PDS5A: variants seen among roughly 807,000 people sequenced by gnomAD.
The protein encoded by PDS5A is PDS5 cohesin associated factor A, also known as sister chromatid cohesion protein PDS5 homolog A.
A neutral mutation model predicts 167.1 loss-of-function variants in PDS5A; 42 were observed. The ratio of observed to expected loss-of-function variants is 0.25; its 90% CI spans 0.20 to 0.33. The LOEUF is 0.33. PDS5A is among the 10% of genes least tolerant of loss of function. PDS5A has a pLI of 1.00. For missense variants in PDS5A, 1,033 were observed against 1,605.9 expected, an observed-to-expected ratio of 0.64 and a Z score of 6.10; for synonymous variants, 553 against 554.6, an observed-to-expected ratio of 1.00 and a Z score of 0.04.
intron 2 of PDS5A, among the ~76,000 whole-genome samples, chr4:39,971,462 T>A (rs1290319082): frequency 1.3e-5 from 2 of 151,312 alleles, no homozygotes; most frequent in Non-Finnish European, 2.9e-5. Context: ...GGCCTGCCTT[T>A]AAGGTCTTTT....
intron 28 of PDS5A, chr4:39,848,569 C>T (rs1163853731): frequency 1.2e-5 from 4 of 334,852 alleles, no homozygotes; most frequent in Non-Finnish European, 2.2e-5. Flanking sequence ...TGCAAAAATA[C>T]TACCCATGTT....
At chr4:39,888,010 G>C (rs1721630397) in intron 17 of PDS5A, among the ~76,000 whole-genome samples, 1 of 152,128 alleles carries the variant, frequency 6.6e-6, no homozygotes, top group Admixed American at 6.5e-5. Flanking sequence ...CCAGCACTTT[G>C]GGAGGCTGAG....
chr4:39,839,775 G>A (rs1375981999), intron 31 of PDS5A, among the ~76,000 whole-genome samples: 1 of 144,802 alleles, frequency 6.9e-6, no homozygotes, highest in African/African-American at 2.6e-5. Flanking sequence ...GGCAGGGGAG[G>A]AAATAATATC....
intron 23 of PDS5A, among the ~76,000 whole-genome samples, chr4:39,863,882 GCA>G (rs1160069189): frequency 6.6e-6 from 1 of 152,134 alleles, no homozygotes; most frequent in African/African-American, 2.4e-5. Flanking sequence ...TGTAATCCCA[GCA>G]CATTGGGAGG....
rs141377911 is a variant in PDS5A, at chr4:39,901,643, C to T, written c.1499+704G>A. Among the ~76,000 whole-genome samples the T allele has an allele frequency of 2.2e-3, 340 of 152,212 alleles. 2 individuals carry two copies. Among genetic ancestry groups the T allele is most frequent in the African/African-American group, 7.9e-3 (328 of 41,510 alleles). On this transcript the variant is annotated intron_variant, in intron 13 of 32. Coordinates refer to ENST00000303538, the MANE Select transcript of PDS5A (RefSeq NM_001100399.2). Reference sequence around the variant, plus strand: ...CAATGGCAAACAGTCAAATTCCTAACTCAAAATTCTCTCTCTTTTTTAAGA... The same window carrying T: ...CAATGGCAAACAGTCAAATTCCTAATTCAAAATTCTCTCTCTTTTTTAAGA...
At chr4:39,910,786 G>C (rs1414092456) in intron 9 of PDS5A, among the ~76,000 whole-genome samples, 1 of 152,168 alleles carries the variant, frequency 6.6e-6, no homozygotes, top group Non-Finnish European at 1.5e-5. Context: ...CTTGTGGCCA[G>C]GAGTTTAAGA....
At chr4:39,859,927 T>C (rs1184660937) in intron 26 of PDS5A, among the ~76,000 whole-genome samples, 1 of 152,190 alleles carries the variant, frequency 6.6e-6, no homozygotes, top group Non-Finnish European at 1.5e-5. Context: ...GAAGCTACTA[T>C]GGAAAACAGT....
At chr4:39,826,484 T>TATTTATTG (rs1484964625) in intron 32 of PDS5A, among the ~76,000 whole-genome samples, 1 of 150,824 alleles carries the variant, frequency 6.6e-6, no homozygotes, top group African/African-American at 2.4e-5. Flanking sequence ...TTTATTTATT[T>TATTTATTG]ATTTATTTAT....
At chr4:39,968,739 T>G (rs1052243356) in intron 2 of PDS5A, among the ~76,000 whole-genome samples, 17 of 151,604 alleles carry the variant, frequency 1.1e-4, no homozygotes, top group Non-Finnish European at 1.6e-4. Context: ...GCCTGTAATA[T>G]GAATTTTTTA....
At chr4:39,942,522 G>C (rs73129442) in intron 2 of PDS5A, among the ~76,000 whole-genome samples, 2,968 of 152,140 alleles carry the variant, frequency 0.02, 93 homozygotes, top group African/African-American at 0.067. Flanking sequence ...ATAATCACAG[G>C]TCACTACAGC....
intron 32 of PDS5A, among the ~76,000 whole-genome samples, chr4:39,828,875 C>T (rs1715557159): frequency 6.6e-6 from 1 of 152,066 alleles, no homozygotes. Flanking sequence ...AAAAATAAAG[C>T]AAGTGAAAGG....
chr4:39,876,911 C>T (rs1196848188), intron 19 of PDS5A, 82 bp downstream of exon 19: 6 of 1,058,132 alleles, frequency 5.7e-6, no homozygotes, highest in Non-Finnish European at 8.2e-6. Flanking sequence ...TCCTATCTTC[C>T]TACACAGAAG....
At position 39,913,594 on chromosome 4, in the gene PDS5A, A is replaced by C; in HGVS notation, c.992+17T>G. On this transcript the variant is annotated intron_variant, in intron 9 of 32. Transcript: ENST00000303538. Reference sequence around the variant, plus strand: ...TATTTTCTAAAATATAAACATCAGAATTATATGTTCTCTTACCGTCCAAGA... The same window carrying C: ...TATTTTCTAAAATATAAACATCAGACTTATATGTTCTCTTACCGTCCAAGA... 7.4e-7 allele frequency: 1 copy of C among 1,348,588 alleles called. No homozygotes were observed. Among genetic ancestry groups the C allele is most frequent in the Non-Finnish European group, 1.1e-6 (1 of 937,704 alleles). 83.5% of individuals were successfully genotyped at this position (1,348,588 alleles called of 1,614,324 possible).
At chr4:39,913,507 A>C in intron 9 of PDS5A, 104 bp downstream of exon 9, 1 of 632,876 alleles carries the variant, frequency 1.6e-6, no homozygotes, top group Non-Finnish European at 2.8e-6. Context: ...AATGAAACCA[A>C]CATCTATTAA....
intron 16 of PDS5A, among the ~76,000 whole-genome samples, chr4:39,894,431 A>G (rs1722223658): frequency 6.6e-6 from 1 of 152,004 alleles, no homozygotes; most frequent in Non-Finnish European, 1.5e-5. Flanking sequence ...AAAAATAAGT[A>G]AGTAAATAAA....
chr4:39,824,754 AATTAT>A lies in PDS5A; in HGVS notation c.*726_*730del, dbSNP rs1298915099. 1.3e-5 allele frequency: 2 copies of A among 152,646 alleles called. No individual in the cohort carries two copies. Among genetic ancestry groups the A allele is most frequent in the African/African-American group, 2.4e-5 (1 of 41,468 alleles). The allele number at this position is 152,646 out of a possible 1,614,324, so 9.5% of individuals were successfully genotyped here. ...AACAACAATATGTACATTTATTGCA[AATTAT>A]ATTAAACTAAAATGAGGGGAAATCA... On this transcript the variant is annotated 3_prime_UTR_variant, in exon 33 of 33. Transcript: ENST00000303538.
chr4:39,910,687 A>G (rs1723806394), intron 9 of PDS5A, among the ~76,000 whole-genome samples: 1 of 152,198 alleles, frequency 6.6e-6, no homozygotes, highest in Admixed American at 6.5e-5. Context: ...ACACAAAATC[A>G]GTTTGAAGAA....
At chr4:39,865,481 C>G (rs1026156481) in intron 23 of PDS5A, among the ~76,000 whole-genome samples, 1 of 152,170 alleles carries the variant, frequency 6.6e-6, no homozygotes, top group African/African-American at 2.4e-5. Flanking sequence ...TTGAGCCCAG[C>G]TAGCCTGGGC....
intron 16 of PDS5A, among the ~76,000 whole-genome samples, chr4:39,891,622 T>C (rs866921410): frequency 1.3e-5 from 2 of 152,032 alleles, no homozygotes; most frequent in Non-Finnish European, 2.9e-5. Flanking sequence ...CACTCCAGCC[T>C]GGGGAACAAG....
Sources: allele counts gnomAD v4.1 joint callset (sites outside exome capture counted in the v4.1 genomes callset), GRCh38; gene constraint gnomAD v4.1.1; transcripts MANE v1.5; gene names NCBI Gene and HGNC (gene_info 2026-07-23, HGNC 2026-07-21).